The following DCTN4 variants were observed in gnomAD, a reference collection of about 807,000 sequenced individuals.
DCTN4 encodes the protein dynactin 4 (p62).
Under a neutral mutation model 62.7 loss-of-function variants are expected in DCTN4, and 23 were observed. The observed-to-expected ratio is 0.37, with a 90% CI of 0.26 to 0.52. The LOEUF (loss-of-function observed/expected upper bound fraction) is 0.52, where lower values mean the gene tolerates loss of function less well. DCTN4 is among the 20% of genes least tolerant of loss of function. DCTN4 has a pLI of 0.92. For synonymous variants in DCTN4, 199 were observed against 202.1 expected, an observed-to-expected ratio of 0.98 and a Z score of 0.13; for missense variants, 514 against 580.4, an observed-to-expected ratio of 0.89 and a Z score of 1.18.
At position 150,730,611 on chromosome 5, in the gene DCTN4, C is replaced by CCAG. The variant is rs1300537412; in HGVS notation, c.834+19_834+20insCTG. 6.2e-7 allele frequency: 1 copy of CCAG among 1,606,754 alleles called. No individual in the cohort carries two copies. Among genetic ancestry groups the CCAG allele is most frequent in the Non-Finnish European group, 8.5e-7 (1 of 1,173,786 alleles). On this transcript the variant is annotated intron_variant, in intron 8 of 12. Coordinates refer to ENST00000447998, the MANE Select transcript of DCTN4 (RefSeq NM_016221.4). ...CTTTCCTCTTGTACAAATGGTCAGT[C>CCAG]TACAGAATGGAATACTTACACGGCA...
At chr5:150,754,468 C>A (rs144111592) in intron 2 of DCTN4, among the ~76,000 whole-genome samples, 5 of 152,244 alleles carry the variant, frequency 3.3e-5, no homozygotes, top group Non-Finnish European at 5.9e-5. Flanking sequence ...CTTCTCAGGG[C>A]AGGAAAGACA....
rs1245715911 is a variant in DCTN4 at position 150,727,795 on chromosome 5, AAAC to A, written c.834+2833_834+2835del. Among the ~76,000 whole-genome samples, 625 of 117,656 alleles carry A rather than the reference AAAC, an allele frequency of 5.3e-3. 15 individuals carry two copies. The highest frequency in any genetic ancestry group is 0.011 in the South Asian group (42 of 3,702). The allele number at this position is 117,656 out of a possible 152,430, so 77.2% of individuals were successfully genotyped here. On this transcript the variant is annotated intron_variant, in intron 8 of 12. Coordinates refer to ENST00000447998, the MANE Select transcript of DCTN4 (RefSeq NM_016221.4). ...CGTCTCAAAAAAAAAAAAAAAAAAA[AAAC>A]AAAAAACCCAATAAGCTTCCTGATG...
intron 3 of DCTN4, among the ~76,000 whole-genome samples, chr5:150,746,090 T>C (rs1445321075): frequency 6.7e-6 from 1 of 149,210 alleles, no homozygotes; most frequent in Admixed American, 6.6e-5. Flanking sequence ...ATAGATGCAA[T>C]AAAAAATGAT....
At chr5:150,714,588 G>C (rs983538925) in intron 12 of DCTN4, among the ~76,000 whole-genome samples, 3 of 151,982 alleles carry the variant, frequency 2.0e-5, no homozygotes, top group Admixed American at 6.6e-5. Context: ...TCTATTCCTA[G>C]GCTGGTTTCA....
rs564685709 is a variant in DCTN4 at position 150,759,001 on chromosome 5, A to T, written c.-8T>A. 158 of 1,612,838 alleles carry T rather than the reference A, an allele frequency of 9.8e-5. No individual in the cohort carries two copies. The South Asian group carries it at 1.6e-3, about 17-fold the overall frequency. ...CTGCAGCAAGGACGCCATCTTGGGGAGGGAGGAGGCGATGACGCTCCCGGC... is the reference window on the plus strand; with the variant it reads ...CTGCAGCAAGGACGCCATCTTGGGGTGGGAGGAGGCGATGACGCTCCCGGC... On this transcript the variant is annotated 5_prime_UTR_variant, in exon 1 of 13. Transcript: ENST00000447998.
intron 3 of DCTN4, among the ~76,000 whole-genome samples, 160 bp from the exon 4 acceptor site, chr5:150,742,317 T>TA (rs2113103790): frequency 6.6e-6 from 1 of 152,344 alleles, no homozygotes; most frequent in South Asian, 2.1e-4. Flanking sequence ...AACAAAATTT[T>TA]AAGAAAACAT....
At chr5:150,715,459 AG>A in intron 12 of DCTN4, 105 bp downstream of exon 12, 1 of 777,680 alleles carries the variant, frequency 1.3e-6, no homozygotes, top group Non-Finnish European at 2.0e-6. Flanking sequence ...TTTTAGAAAC[AG>A]GAAGAAAAAA....
At position 150,709,913 on chromosome 5, in the gene DCTN4, ATCAAGTT is replaced by A. The variant is rs762829580; in HGVS notation, c.*1229_*1235del. On this transcript the variant is annotated 3_prime_UTR_variant, in exon 13 of 13. Coordinates refer to ENST00000447998, the MANE Select transcript of DCTN4 (RefSeq NM_016221.4). ...CACGGTGCAGCTGGTGGTCTACTTT[ATCAAGTT>A]TCATTTTAGAAAACATCATAGAAAT... is the stretch of plus-strand genomic sequence containing the variant. The A allele has an allele frequency of 6.6e-6, 1 of 152,380 alleles. No individual in the cohort carries two copies. The highest frequency in any genetic ancestry group is 1.5e-5 in the Non-Finnish European group (1 of 68,038). The allele number at this position is 152,380 out of a possible 1,614,324, so 9.4% of individuals were successfully genotyped here.
chr5:150,745,321 G>C (rs1166649240), intron 3 of DCTN4, among the ~76,000 whole-genome samples: 1 of 151,094 alleles, frequency 6.6e-6, no homozygotes, highest in Non-Finnish European at 1.5e-5. Flanking sequence ...AAGAGACTTA[G>C]ACTCCCACAC....
At chr5:150,744,753 C>T (rs1014733232) in intron 3 of DCTN4, among the ~76,000 whole-genome samples, 10 of 151,964 alleles carry the variant, frequency 6.6e-5, no homozygotes, top group East Asian at 1.9e-4. Context: ...GAGATTTTGT[C>T]GCCACCAGGC....
chr5:150,731,277 A>G lies in DCTN4; in HGVS notation c.612-121T>C. The G allele has an allele frequency of 3.1e-6, 3 of 973,680 alleles. No individual in the cohort carries two copies. In the South Asian group the frequency reaches 4.3e-5, roughly 14 times the overall value. The allele number at this position is 973,680 out of a possible 1,614,324, so 60.3% of individuals were successfully genotyped here. A position where few individuals can be genotyped will look rare whatever the true frequency, so the allele number is the denominator to read the frequency against. ...TATTCCTCTGTCATAGAATATCTGTATAGCGTAGGTCTTTTCTAAGTATGA... is the reference window on the plus strand; with the variant it reads ...TATTCCTCTGTCATAGAATATCTGTGTAGCGTAGGTCTTTTCTAAGTATGA... On this transcript the variant is annotated intron_variant, in intron 6 of 12. Transcript: ENST00000447998.
rs116002294 is a variant in DCTN4 at position 150,715,188 on chromosome 5, A to G, written c.1169+377T>C. ...GTGGGGGTGGGGAACAAACCCGATGATCAATCTCTAGGGACAGAGTATTGT... is the reference window on the plus strand; with the variant it reads ...GTGGGGGTGGGGAACAAACCCGATGGTCAATCTCTAGGGACAGAGTATTGT... On this transcript the variant is annotated intron_variant, in intron 12 of 12. Coordinates refer to ENST00000447998, the MANE Select transcript of DCTN4 (RefSeq NM_016221.4). Among the ~76,000 whole-genome samples the G allele has an allele frequency of 8.8e-3, 1,332 of 152,200 alleles. 20 individuals carry two copies. The highest frequency in any genetic ancestry group is 0.03 in the African/African-American group (1,250 of 41,486).
At chr5:150,734,301 G>C (rs1760494284) in intron 4 of DCTN4, 1 of 152,216 alleles carries the variant, frequency 6.6e-6, no homozygotes, top group Non-Finnish European at 1.5e-5. Flanking sequence ...GAAAATCTGT[G>C]AGTGCCCATG....
chr5:150,739,688 A>ACT (rs1760702301), intron 4 of DCTN4, among the ~76,000 whole-genome samples: 1 of 152,164 alleles, frequency 6.6e-6, no homozygotes. Flanking sequence ...TATATATAAG[A>ACT]CTATAGTCAC....
Position 150,758,969 on chromosome 5 carries a change from G to A in DCTN4, c.25C>T (p.Arg9Trp), listed in dbSNP as rs1271434084. Residue 9 changes from arginine (R) to tryptophan (W), a missense_variant, in exon 1 of 13, where the codon CGG becomes TGG. By Grantham distance (101) the Arg-to-Trp change is moderately radical. Transcript: ENST00000447998. The stretch of plus-strand genomic sequence containing the variant: ...TCTCCCTGGACTAGATAGAGAACCC[G>A]GTCCGACTGCAGCAAGGACGCCATC... MASLLQSD[R>W]VLYLVQGEKK... 2.5e-6 allele frequency: 4 copies of A among 1,614,110 alleles called. No homozygotes were observed. Among genetic ancestry groups the A allele is most frequent in the Admixed American group, 1.7e-5 (1 of 60,020 alleles).
At chr5:150,713,339 C>CAACAA (rs1244468825) in intron 12 of DCTN4, among the ~76,000 whole-genome samples, 7 of 152,060 alleles carry the variant, frequency 4.6e-5, no homozygotes, top group African/African-American at 1.7e-4. Flanking sequence ...TGCTATCGAA[C>CAACAA]AACAAAACAA....
intron 3 of DCTN4, among the ~76,000 whole-genome samples, chr5:150,751,848 T>A (rs1308029377): frequency 6.6e-6 from 1 of 152,148 alleles, no homozygotes; most frequent in East Asian, 1.9e-4. Flanking sequence ...TTCAATAGAA[T>A]CAAGGATTAA....
At chr5:150,719,593 G>T in intron 10 of DCTN4, 123 bp downstream of exon 10, 1 of 697,830 alleles carries the variant, frequency 1.4e-6, no homozygotes, top group Non-Finnish European at 2.5e-6. Flanking sequence ...ATCCCAAACT[G>T]TCTTCTTTTC....
rs1450435830 is a variant in DCTN4 at position 150,709,564 on chromosome 5, T to C, written c.*1585A>G. 6.6e-6 allele frequency: 1 copy of C among 151,492 alleles called. No individual in the cohort carries two copies. Among genetic ancestry groups the C allele is most frequent in the Non-Finnish European group, 1.5e-5 (1 of 68,034 alleles). 9.4% of individuals were successfully genotyped at this position (151,492 alleles called of 1,614,324 possible). A position where few individuals can be genotyped will look rare whatever the true frequency, so the allele number is the denominator to read the frequency against. On this transcript the variant is annotated 3_prime_UTR_variant, in exon 13 of 13. Transcript: ENST00000447998. ...CCAACTCCTAAGAGGCTAAATGTTATTACCATAATGTTAGAGATGAGTATT... is the reference window on the plus strand; with the variant it reads ...CCAACTCCTAAGAGGCTAAATGTTACTACCATAATGTTAGAGATGAGTATT...
Sources: allele counts gnomAD v4.1 joint callset (sites outside exome capture counted in the v4.1 genomes callset), GRCh38; gene constraint gnomAD v4.1.1; transcripts MANE v1.5; gene names NCBI Gene and HGNC (gene_info 2026-07-23, HGNC 2026-07-21).